Variants in SEMA3A observed in about 807,000 individuals in gnomAD.
SEMA3A encodes the protein semaphorin 3A.
Under a neutral mutation model 97.9 loss-of-function variants are expected in SEMA3A, and 29 were observed. The observed-to-expected ratio is 0.30, with a 90% CI of 0.22 to 0.40. The LOEUF (loss-of-function observed/expected upper bound fraction) is 0.40, where lower values mean the gene tolerates loss of function less well. Among genes scored for constraint, SEMA3A ranks in the 10% least tolerant of loss-of-function variants. The pLI, the probability that SEMA3A is intolerant of heterozygous loss-of-function variation, is 1.00. For missense variants in SEMA3A, 763 were observed against 951.3 expected (o/e 0.80, Z 2.60); for synonymous variants, 321 against 323.7 (o/e 0.99, Z 0.09).
intron 1 of SEMA3A, among the ~76,000 whole-genome samples, chr7:84,409,391 T>C (rs1804199437): frequency 6.6e-6 from 1 of 152,082 alleles, no homozygotes. Flanking sequence ...TGCTTCTGTA[T>C]TCCTCTAAAA....
intron 1 of SEMA3A, among the ~76,000 whole-genome samples, chr7:84,165,990 G>C (rs1196381645): frequency 3.9e-5 from 6 of 152,150 alleles, no homozygotes; most frequent in African/African-American, 1.4e-4. Flanking sequence ...AGATGAGATA[G>C]AGCCAGGTGA....
At chr7:84,144,988 A>AC (rs1796421627) in intron 1 of SEMA3A, among the ~76,000 whole-genome samples, 1 of 152,052 alleles carries the variant, frequency 6.6e-6, no homozygotes, top group Admixed American at 6.5e-5. Context: ...ATGTGTGTTT[A>AC]CCCCTAAATA....
chr7:83,961,777 C>T lies in SEMA3A; in HGVS notation c.1910G>A (p.Arg637His), dbSNP rs766918295. ...IIRTDQGLLL[R>H]SLQQKDSGNY... is the part of the protein sequence containing the mutation. ...GCCTGAATCCTTCTGTTGTAGACTA[C>T]GTAGCAGAAGGCCTTGATCTGTCCT... Residue 637 changes from arginine (R) to histidine (H), a missense_variant, in exon 17 of 17, where the codon CGT becomes CAT. By Grantham distance (29) the Arg-to-His change is conservative. This residue lies in a region of SEMA3A where 678 missense variants were observed against 881.3 expected (regional missense o/e 0.77). Transcript: ENST00000265362. 92 of 1,613,740 alleles carry T rather than the reference C, an allele frequency of 5.7e-5. No homozygotes were observed. The highest frequency in any genetic ancestry group is 1.9e-4 in the African/African-American group (14 of 74,884).
chr7:84,077,650 A>G (rs1794000845), intron 4 of SEMA3A, among the ~76,000 whole-genome samples: 1 of 152,102 alleles, frequency 6.6e-6, no homozygotes, highest in Admixed American at 6.6e-5. Context: ...ATTTTCTTTT[A>G]GCAAATTAGT....
chr7:84,064,024 G>C (rs543993363), intron 4 of SEMA3A, among the ~76,000 whole-genome samples: 59 of 152,044 alleles, frequency 3.9e-4, no homozygotes, highest in Middle Eastern at 3.4e-3. Context: ...AGAGAGAAAG[G>C]TCGGGTTACC....
intron 2 of SEMA3A, among the ~76,000 whole-genome samples, chr7:84,327,713 A>G (rs1801804412): frequency 6.6e-6 from 1 of 151,982 alleles, no homozygotes; most frequent in Admixed American, 6.6e-5. Flanking sequence ...AACTAGCTCC[A>G]ATTTTATAAC....
At chr7:83,967,168 T>C (rs539997874) in intron 15 of SEMA3A, among the ~76,000 whole-genome samples, 1 of 152,326 alleles carries the variant, frequency 6.6e-6, no homozygotes, top group South Asian at 2.1e-4. Flanking sequence ...AAAAATTTTC[T>C]GTTAATTTCC....
chr7:84,492,655 C>T (rs1197474870), exon 1 of SEMA3A: 1 of 151,880 alleles, frequency 6.6e-6, no homozygotes, highest in Non-Finnish European at 1.5e-5. Flanking sequence ...AGCATGAGAG[C>T]ACAGAATCTA....
At chr7:84,251,867 G>A (rs1799617824) in intron 3 of SEMA3A, among the ~76,000 whole-genome samples, 1 of 151,830 alleles carries the variant, frequency 6.6e-6, no homozygotes, top group African/African-American at 2.4e-5. Context: ...TAAAGAATGA[G>A]GATTAATATA....
intron 3 of SEMA3A, among the ~76,000 whole-genome samples, chr7:84,228,871 C>T (rs1799051945): frequency 6.6e-6 from 1 of 152,066 alleles, no homozygotes; most frequent in South Asian, 2.1e-4. Flanking sequence ...TATTGAAGAC[C>T]TGTAATACCT....
At chr7:84,011,818 A>G (rs1412596207) in intron 7 of SEMA3A, among the ~76,000 whole-genome samples, 1 of 152,168 alleles carries the variant, frequency 6.6e-6, no homozygotes, top group African/African-American at 2.4e-5. Flanking sequence ...TGATTTAATT[A>G]TTACACATTA....
chr7:84,140,402 T>A (rs1022020692), intron 1 of SEMA3A, among the ~76,000 whole-genome samples: 1 of 152,108 alleles, frequency 6.6e-6, no homozygotes, highest in Non-Finnish European at 1.5e-5. Context: ...CCAGACAATA[T>A]CCACCCTGTT....
intron 4 of SEMA3A, among the ~76,000 whole-genome samples, chr7:84,076,689 G>A (rs1019614702): frequency 2.6e-5 from 4 of 151,996 alleles, no homozygotes; most frequent in Admixed American, 1.3e-4. Context: ...ATGAATTAAC[G>A]TATTTTCTAC....
intron 5 of SEMA3A, among the ~76,000 whole-genome samples, chr7:84,049,215 AT>A (rs1270450523): frequency 1.3e-5 from 2 of 152,050 alleles, no homozygotes; most frequent in Non-Finnish European, 1.5e-5. Context: ...CATGAATATT[AT>A]TTTTGGCAAG....
At chr7:84,410,159 T>C (rs1332692863) in intron 1 of SEMA3A, among the ~76,000 whole-genome samples, 1 of 152,126 alleles carries the variant, frequency 6.6e-6, no homozygotes, top group Non-Finnish European at 1.5e-5. Flanking sequence ...TGTTTCATCT[T>C]ATGTTATGTA....
At chr7:83,987,805 G>C (rs1273763593) in intron 12 of SEMA3A, among the ~76,000 whole-genome samples, 2 of 151,842 alleles carry the variant, frequency 1.3e-5, no homozygotes, top group Non-Finnish European at 2.9e-5. Context: ...GTTTCTTATA[G>C]CTTAGCTGGC....
intron 4 of SEMA3A, among the ~76,000 whole-genome samples, chr7:84,097,436 C>G (rs1717390303): frequency 6.6e-6 from 1 of 151,818 alleles, no homozygotes; most frequent in African/African-American, 2.4e-5. Flanking sequence ...TATAAAAATG[C>G]TGGTTTAAGA....
Position 83,981,394 on chromosome 7 carries a change from A to G in SEMA3A, c.1579T>C (p.Cys527Arg), listed in dbSNP as rs1419414112. 6.2e-7 allele frequency: 1 copy of G among 1,613,864 alleles called. No homozygotes were observed. The highest frequency in any genetic ancestry group is 8.5e-7 in the Non-Finnish European group (1 of 1,179,936). Residue 527 changes from cysteine (C) to arginine (R), a missense_variant, in exon 14 of 17, where the codon TGT becomes CGT. Cys to Arg is a radical substitution (Grantham distance 180). Coordinates refer to ENST00000265362, the MANE Select transcript of SEMA3A (RefSeq NM_006080.3). Reference protein sequence around the residue: ...CDIYGKACAECCLARDPYCAW... With the variant: ...CDIYGKACAERCLARDPYCAW... ...CAGTAAGGGTCTCGGGCGAGGCAAC[A>G]CTCAGCACACGCTTTCCCGTAAATA...
chr7:84,056,119 A>C (rs1206359483), intron 5 of SEMA3A, among the ~76,000 whole-genome samples: 4 of 150,502 alleles, frequency 2.7e-5, no homozygotes, highest in East Asian at 1.9e-4. Context: ...ATCATTCAGA[A>C]ACTGTCAAAC....
Sources: gnomAD v4.1 joint callset for allele counts (sites outside exome capture counted in the v4.1 genomes callset) on GRCh38, gnomAD v4.1.1 for gene constraint, gnomAD v4.1.1 regional missense constraint, MANE v1.5 for transcripts, NCBI Gene and HGNC (gene_info 2026-07-23, HGNC 2026-07-21) for gene names.